Variants in ZFHX3 observed in about 807,000 individuals in gnomAD.
The protein encoded by ZFHX3 is zinc finger homeobox 3, also known as zinc finger homeobox protein 3.
In ZFHX3, 42 loss-of-function variants were observed where a neutral mutation model predicts 279.1. The observed-to-expected ratio is 0.15, with a 90% confidence interval of 0.12 to 0.19. The LOEUF is 0.19. ZFHX3 is among the 10% of genes least tolerant of loss of function. The pLI, the probability that ZFHX3 is intolerant of heterozygous loss-of-function variation, is 1.00. For synonymous variants in ZFHX3, 2,293 were observed against 1,957.8 expected, an observed-to-expected ratio of 1.17 and a Z score of -4.52; for missense variants, 4,981 against 4,754.0, an observed-to-expected ratio of 1.05 and a Z score of -1.40.
At chr16:73,207,775 G>GTAAT (rs1279333134) in intron 5 of ZFHX3, among the ~76,000 whole-genome samples, 1 of 152,176 alleles carries the variant, frequency 6.6e-6, no homozygotes, top group Non-Finnish European at 1.5e-5. Context: ...GAAACAGTCA[G>GTAAT]TAATAAGTAA....
At chr16:73,638,927 A>G (rs1196628131) in intron 2 of ZFHX3, among the ~76,000 whole-genome samples, 1 of 152,200 alleles carries the variant, frequency 6.6e-6, no homozygotes, top group East Asian at 1.9e-4. Context: ...TTGATGAGAG[A>G]TACTGAGGCT....
chr16:73,499,369 G>A (rs1030163282), intron 2 of ZFHX3: 4 of 152,188 alleles, frequency 2.6e-5, no homozygotes, highest in African/African-American at 9.7e-5. Context: ...TTGAGAGGTG[G>A]GTAACAAGCT....
intron 4 of ZFHX3, among the ~76,000 whole-genome samples, chr16:73,292,453 G>A (rs1236203109): frequency 2.0e-5 from 3 of 152,176 alleles, no homozygotes; most frequent in East Asian, 1.9e-4. Context: ...GACATTGTGA[G>A]TTATTTTATA....
chr16:73,106,118 T>C (rs1176593219), intron 7 of ZFHX3, among the ~76,000 whole-genome samples: 3 of 152,110 alleles, frequency 2.0e-5, no homozygotes, highest in Non-Finnish European at 4.4e-5. Context: ...CCCTGAGCTT[T>C]GGCTACTGCC....
chr16:73,885,998 G>A (rs962212341), intron 1 of ZFHX3, among the ~76,000 whole-genome samples: 1 of 152,130 alleles, frequency 6.6e-6, no homozygotes, highest in Admixed American at 6.5e-5. Context: ...CCTGTATACT[G>A]TCACCTCTGA....
At chr16:73,205,995 G>A (rs987296222) in intron 5 of ZFHX3, among the ~76,000 whole-genome samples, 5 of 152,174 alleles carry the variant, frequency 3.3e-5, no homozygotes, top group Admixed American at 6.5e-5. Context: ...TTGACAAATC[G>A]CAATTTGAGG....
chr16:73,496,199 A>G (rs969774935), intron 2 of ZFHX3, among the ~76,000 whole-genome samples: 12 of 152,368 alleles, frequency 7.9e-5, no homozygotes, highest in African/African-American at 2.9e-4. Context: ...CCCTGAAAAC[A>G]AAAGACGCAC....
At chr16:73,811,850 G>A (rs1193744948) in intron 1 of ZFHX3, among the ~76,000 whole-genome samples, 2 of 152,156 alleles carry the variant, frequency 1.3e-5, no homozygotes, top group Non-Finnish European at 2.9e-5. Flanking sequence ...CCACTTGGGA[G>A]ACATGTCCAA....
chr16:73,487,191 C>A (rs1451660789), intron 2 of ZFHX3, among the ~76,000 whole-genome samples: 2 of 152,150 alleles, frequency 1.3e-5, no homozygotes, highest in African/African-American at 4.8e-5. Flanking sequence ...GCAGAGGATT[C>A]CCGAGTGGAG....
rs60477881 is a variant in ZFHX3 at position 73,634,433 on chromosome 16, A to AATATATATATATATATATATATAT, written c.-1547+45723_-1547+45746dup. ...GGCAACTCAACCAGTTATTATGTAT[A>AATATATATATATATATATATATAT]ATATATATATATATATATATATATA... On this transcript the variant is annotated intron_variant, in intron 2 of 17. Coordinates refer to the ZFHX3 transcript ENST00000641206. Among the ~76,000 whole-genome samples the AATATATATATATATATATATATAT allele has an allele frequency of 1.9e-3, 113 of 59,784 alleles. 1 individual carries two copies. Among genetic ancestry groups the AATATATATATATATATATATATAT allele is most frequent in the African/African-American group, 4.8e-3 (110 of 22,872 alleles). The allele number at this position is 59,784 out of a possible 152,430, so 39.2% of individuals were successfully genotyped here. A position where few individuals can be genotyped will look rare whatever the true frequency, so the allele number is the denominator to read the frequency against.
chr16:73,131,239 A>G (rs895254529), intron 6 of ZFHX3: 1 of 309,880 alleles, frequency 3.2e-6, no homozygotes, highest in African/African-American at 2.2e-5. Flanking sequence ...TATGCCTGTT[A>G]TATATAATGA....
chr16:73,773,693 T>C (rs2054045846), intron 1 of ZFHX3, among the ~76,000 whole-genome samples: 1 of 152,174 alleles, frequency 6.6e-6, no homozygotes, highest in African/African-American at 2.4e-5. Flanking sequence ...CCACGTGACA[T>C]TTCACATAAT....
chr16:73,337,535 G>A (rs1012756827), intron 3 of ZFHX3, among the ~76,000 whole-genome samples: 3 of 151,968 alleles, frequency 2.0e-5, no homozygotes, highest in South Asian at 2.1e-4. Flanking sequence ...CCTCCTCATC[G>A]CAGCCATTGA....
intron 5 of ZFHX3, among the ~76,000 whole-genome samples, chr16:73,210,280 G>A (rs1480198392): frequency 1.3e-5 from 2 of 152,166 alleles, no homozygotes; most frequent in Non-Finnish European, 2.9e-5. Flanking sequence ...CTAACACTGA[G>A]TCAGCAAAAT....
At chr16:72,810,756 C>A (rs191965389) in intron 7 of ZFHX3, among the ~76,000 whole-genome samples, 1 of 152,182 alleles carries the variant, frequency 6.6e-6, no homozygotes, top group Non-Finnish European at 1.5e-5. Flanking sequence ...AAACTCCCTA[C>A]CCTAGAGTTG....
chr16:73,662,900 CT>C (rs1479074348), intron 2 of ZFHX3, among the ~76,000 whole-genome samples: 6 of 151,742 alleles, frequency 4.0e-5, no homozygotes, highest in African/African-American at 1.2e-4. Context: ...CCGTGAGGGG[CT>C]TTTTTTTCTT....
At chr16:73,071,478 C>CTG (rs1178627325) in intron 8 of ZFHX3, among the ~76,000 whole-genome samples, 2,985 of 132,728 alleles carry the variant, frequency 0.022, 101 homozygotes, top group African/African-American at 0.1. Flanking sequence ...GCTGCTGCTG[C>CTG]CGCCGCCGCC....
chr16:73,311,142 A>G (rs113693147), intron 4 of ZFHX3, among the ~76,000 whole-genome samples: 12,726 of 152,240 alleles, frequency 0.084, 623 homozygotes, highest in Non-Finnish European at 0.1. Context: ...CTGAGGCAAG[A>G]GAATTGTTTG....
chr16:72,877,771 T>G (rs1311404180), intron 4 of ZFHX3, among the ~76,000 whole-genome samples: 2 of 152,174 alleles, frequency 1.3e-5, no homozygotes, highest in Non-Finnish European at 2.9e-5. Context: ...AAAGTTCAGG[T>G]CAACTCAGGC....
Sources: allele counts gnomAD v4.1 joint callset (sites outside exome capture counted in the v4.1 genomes callset), GRCh38; gene constraint gnomAD v4.1.1; transcripts MANE v1.5; gene names NCBI Gene and HGNC (gene_info 2026-07-23, HGNC 2026-07-21).